Variants in MAPT observed in about 807,000 individuals in gnomAD.
MAPT encodes microtubule associated protein tau.
MAPT carries 34 observed loss-of-function variants against 67.9 expected under a neutral mutation model. The ratio of observed to expected loss-of-function variants is 0.50; its 90% confidence interval spans 0.38 to 0.67. The LOEUF (loss-of-function observed/expected upper bound fraction) is 0.67, where lower values mean the gene tolerates loss of function less well. Ranked by LOEUF, MAPT falls within the 30% of genes least tolerant of loss-of-function variation. The probability of loss-of-function intolerance (pLI) is 0.00; values close to 1 mark genes in which losing one functional copy is unlikely to be tolerated. For synonymous variants in MAPT, 456 were observed against 464.5 expected (o/e 0.98, Z 0.23); for missense variants, 881 against 1,115.2 (o/e 0.79, Z 2.99).
At chr17:45,936,081 C>A (rs115661394) in intron 1 of MAPT, among the ~76,000 whole-genome samples, 1 of 152,166 alleles carries the variant, frequency 6.6e-6, no homozygotes, top group South Asian at 2.1e-4. Flanking sequence ...TGTGGTAGAT[C>A]GGCAGAGTTC....
At chr17:45,986,178 C>G (rs1378138251) in intron 5 of MAPT, among the ~76,000 whole-genome samples, 4 of 152,280 alleles carry the variant, frequency 2.6e-5, no homozygotes, top group African/African-American at 9.6e-5. Flanking sequence ...AGTGAGAATT[C>G]GTGCCCTTTG....
Position 46,010,258 on chromosome 17 carries a change from GCA to G in MAPT, c.1999-51_1999-50del. On this transcript the variant is annotated intron_variant, in intron 9 of 12. Transcript: ENST00000262410. This position sits in a 1 kb window ranked among gnomAD's most constrained non-coding sequence, Gnocchi z 4.7. ...AAAGTGGAGGCGTCCTTGCGAGCAA[GCA>G]GGCGGGTCCAGGGTGGCGTGTCACT... is the stretch of plus-strand genomic sequence containing the variant. 3.1e-6 allele frequency: 4 copies of G among 1,270,162 alleles called. No homozygotes were observed. The South Asian group carries it at 3.8e-5, about 12-fold the overall frequency. 78.7% of individuals were successfully genotyped at this position (1,270,162 alleles called of 1,614,324 possible).
Position 45,923,122 on chromosome 17 carries a change from G to A in MAPT, c.-18+28436G>A, listed in dbSNP as rs1264148466. On this transcript the variant is annotated intron_variant, in intron 1 of 12. Transcript: ENST00000262410. The stretch of plus-strand genomic sequence containing the variant: ...TTCCCCTTTGAGGAATGCCCTCTAA[G>A]GGGTGTTGTGAAGATTCGGTAAGGT... 2.6e-5 allele frequency among the ~76,000 whole-genome samples: 4 copies of A among 152,186 alleles called. No homozygotes were observed. The East Asian group carries it at 7.7e-4, about 29-fold the overall frequency.
intron 1 of MAPT, among the ~76,000 whole-genome samples, chr17:45,945,260 C>A (rs1285794066): frequency 6.6e-6 from 1 of 152,142 alleles, no homozygotes; most frequent in Non-Finnish European, 1.5e-5. Context: ...CCCCTTGCAC[C>A]TATGTGGCTG....
At chr17:46,017,058 T>C (rs961826510) in intron 11 of MAPT, among the ~76,000 whole-genome samples, 1 of 152,192 alleles carries the variant, frequency 6.6e-6, no homozygotes, top group African/African-American at 2.4e-5. Context: ...AGAAGTTCAG[T>C]CTAGAATGTG....
intron 1 of MAPT, among the ~76,000 whole-genome samples, chr17:45,950,020 G>T (rs1349273983): frequency 6.6e-6 from 1 of 152,132 alleles, no homozygotes; most frequent in Non-Finnish European, 1.5e-5. Flanking sequence ...AGGTGACAAC[G>T]TAGGGAGCAG....
At chr17:45,924,440 C>T (rs901001377) in intron 1 of MAPT, among the ~76,000 whole-genome samples, 9 of 152,324 alleles carry the variant, frequency 5.9e-5, no homozygotes, top group South Asian at 2.1e-4. Flanking sequence ...CCCATTCTCC[C>T]GGCCTCCACT....
At chr17:45,949,022 T>C (rs950512688) in intron 1 of MAPT, among the ~76,000 whole-genome samples, 1 of 152,262 alleles carries the variant, frequency 6.6e-6, no homozygotes, top group African/African-American at 2.4e-5. Context: ...TATTGAGATA[T>C]AATTCATATG....
rs770893022 is a variant in MAPT, at chr17:45,983,511, AGGCCTCCCCAGCCCAAGATGGGC to A, written c.944_966del (p.Ala315AspfsTer103). ...TCCCCCCAAGACTCCCCTCCCTCCA[AGGCCTCCCCAGCCCAAGATGGGC>A]GGCCTCCCCAGACAGCCGCCAGAGA... On this transcript the variant is annotated frameshift_variant, in exon 5 of 13. Coordinates refer to ENST00000262410, the MANE Select transcript of MAPT (RefSeq NM_001377265.1). LOFTEE classifies it high-confidence loss of function. 12 of 1,612,712 alleles carry A rather than the reference AGGCCTCCCCAGCCCAAGATGGGC, an allele frequency of 7.4e-6. No homozygotes were observed. Among genetic ancestry groups the A allele is most frequent in the African/African-American group, 1.3e-5 (1 of 74,900 alleles).
intron 5 of MAPT, chr17:45,985,528 G>GT (rs1391220792): frequency 4.4e-6 from 1 of 227,642 alleles, no homozygotes; most frequent in African/African-American, 2.3e-5. Context: ...AAAGACTAAA[G>GT]TAAGTTAAAC....
chr17:45,904,280 A>G (rs1440089768), intron 1 of MAPT, among the ~76,000 whole-genome samples: 3 of 48,568 alleles, frequency 6.2e-5, no homozygotes, highest in East Asian at 1.4e-3. Flanking sequence ...ATTTTTATAT[A>G]TATAATATGT....
In MAPT at chr17:45,983,403, G is replaced by T; in HGVS notation, c.824G>T (p.Gly275Val). 1.9e-6 allele frequency: 3 copies of T among 1,607,376 alleles called. 1 individual carries two copies. The South Asian group carries it at 3.3e-5, about 18-fold the overall frequency. ...HQLLGDLHQE[G>V]PPLKGAGGKE... is the part of the protein sequence containing the mutation. ...CTTCTAGGAGACCTGCACCAGGAGG[G>T]GCCGCCGCTGAAGGGGGCAGGGGGC... The change falls in exon 5 of 13, where the codon GGG becomes GTG. Residue 275 changes from glycine to valine, a missense_variant. Physicochemically the swap from Gly to Val is moderately radical, Grantham distance 109. Around this residue, in one of 6 missense-constraint regions of MAPT, gnomAD observed 687 missense variants for 766.1 expected, o/e 0.90. Coordinates refer to ENST00000262410, the MANE Select transcript of MAPT (RefSeq NM_001377265.1).
At chr17:46,023,868 A>C (rs2076680664) in intron 12 of MAPT, 88 bp from the exon 13 acceptor site, 3 of 1,095,700 alleles carry the variant, frequency 2.7e-6, no homozygotes, top group Non-Finnish European at 4.2e-6. Context: ...AGTCCCTGGC[A>C]CTCTGGGCCA....
chr17:45,918,613 A>G (rs1156830555), intron 1 of MAPT, among the ~76,000 whole-genome samples: 1 of 152,222 alleles, frequency 6.6e-6, no homozygotes, highest in Non-Finnish European at 1.5e-5. Context: ...AAGGGGAAAC[A>G]TGCCTGCTGT....
At chr17:45,999,199 C>T in intron 9 of MAPT, 1 of 1,522,148 alleles carries the variant, frequency 6.6e-7, no homozygotes, top group South Asian at 1.3e-5. Flanking sequence ...GGAAGTCTTC[C>T]TGGATTCCCC....
chr17:45,974,953 C>T (rs574428155), intron 3 of MAPT: 1 of 167,096 alleles, frequency 6.0e-6, no homozygotes, highest in East Asian at 1.7e-4. Context: ...GGAGCTCAGA[C>T]ATGCAATCTA....
chr17:45,989,045 G>C (rs527874613), intron 6 of MAPT, among the ~76,000 whole-genome samples: 67 of 152,228 alleles, frequency 4.4e-4, no homozygotes, highest in African/African-American at 1.4e-3. Context: ...TCCAACTTGG[G>C]GGGGGCACAC....
In MAPT at chr17:45,982,708, G is replaced by A. The variant is rs575543736; in HGVS notation, c.287-158G>A. On this transcript the variant is annotated intron_variant, in intron 4 of 12. Coordinates refer to ENST00000262410, the MANE Select transcript of MAPT (RefSeq NM_001377265.1). ...CCAGGAGAGCTGTCATTCCAAGCAA[G>A]CAAAGGCAACGAGACGAGCCCAGAG... is the stretch of plus-strand genomic sequence containing the variant. Among the ~76,000 whole-genome samples the A allele has an allele frequency of 2.9e-4, 44 of 152,220 alleles. No homozygotes were observed. The South Asian group carries it at 8.3e-3, about 29-fold the overall frequency.
At chr17:45,924,677 G>A (rs1183057149) in intron 1 of MAPT, among the ~76,000 whole-genome samples, 2 of 152,304 alleles carry the variant, frequency 1.3e-5, no homozygotes, top group East Asian at 3.9e-4. Flanking sequence ...CAATAAGGCT[G>A]CTCCTGCCCA....
Sources: gnomAD v4.1 joint callset for allele counts (sites outside exome capture counted in the v4.1 genomes callset) on GRCh38, gnomAD v4.1.1 for gene constraint, gnomAD v4.1.1 regional missense constraint, Gnocchi (gnomAD v3.1) non-coding constraint, MANE v1.5 for transcripts, NCBI Gene and HGNC (gene_info 2026-07-23, HGNC 2026-07-21) for gene names.